LRCH1: variants seen among roughly 807,000 people sequenced by gnomAD.
LRCH1 encodes the protein leucine-rich repeat and calponin homology domain-containing protein 1.
A neutral mutation model predicts 94.9 loss-of-function variants in LRCH1; 23 were observed. The ratio of observed to expected loss-of-function variants is 0.24; its 90% confidence interval spans 0.17 to 0.34. LRCH1 has a LOEUF of 0.34. LRCH1 is among the 10% of genes least tolerant of loss of function. The pLI is 1.00. For missense variants in LRCH1, 790 were observed against 945.9 expected (o/e 0.84, Z 2.16); for synonymous variants, 364 against 354.9 (o/e 1.03, Z -0.29).
At chr13:46,750,902 C>A in exon 19 of LRCH1, 1 of 339,342 alleles carries the variant, frequency 2.9e-6, no homozygotes, top group Admixed American at 4.6e-5. Flanking sequence ...AGCAGCACAT[C>A]AATGCCTTTT....
Position 46,744,214 on chromosome 13 carries a change from T to A in LRCH1, c.*2366T>A, listed in dbSNP as rs1292583117. The A allele has an allele frequency of 1.0e-6, 1 of 985,334 alleles. No homozygotes were observed. The highest frequency in any genetic ancestry group is 1.7e-5 in the African/African-American group (1 of 57,248). The allele number at this position is 985,334 out of a possible 1,614,324, so 61.0% of individuals were successfully genotyped here. Reference sequence around the variant, plus strand: ...CTTGACTGGGGATACCTGGCTGACCTCCTTAGAGTCTGAGAAGTAGTCAGG... The same window carrying A: ...CTTGACTGGGGATACCTGGCTGACCACCTTAGAGTCTGAGAAGTAGTCAGG... On this transcript the variant is annotated 3_prime_UTR_variant, in exon 20 of 20. Transcript: ENST00000389797.
At chr13:46,663,965 A>G (rs1236573484) in intron 2 of LRCH1, among the ~76,000 whole-genome samples, 3 of 152,242 alleles carry the variant, frequency 2.0e-5, no homozygotes, top group Non-Finnish European at 1.5e-5. Flanking sequence ...CTGGATATTC[A>G]TGCTTTTCCA....
chr13:46,598,590 AC>A (rs66479334), intron 1 of LRCH1, among the ~76,000 whole-genome samples: 99,439 of 143,462 alleles, frequency 0.69, 34,549 homozygotes, highest in African/African-American at 0.8. Context: ...ACCACTAACA[AC>A]AACAAAAAAA....
At chr13:46,631,632 A>G (rs538311535) in intron 1 of LRCH1, among the ~76,000 whole-genome samples, 50 of 151,998 alleles carry the variant, frequency 3.3e-4, no homozygotes, top group African/African-American at 1.2e-3. Flanking sequence ...TTCTTAACCT[A>G]CCTGGAATTT....
chr13:46,740,979 T>C (rs1158193864), intron 19 of LRCH1, among the ~76,000 whole-genome samples: 1 of 152,210 alleles, frequency 6.6e-6, no homozygotes, highest in East Asian at 1.9e-4. Flanking sequence ...GGGTGTACTT[T>C]TACTCTCTAC....
chr13:46,596,978 A>G (rs555522380), intron 1 of LRCH1, among the ~76,000 whole-genome samples: 14 of 152,240 alleles, frequency 9.2e-5, no homozygotes, highest in African/African-American at 3.4e-4. Context: ...CTTCCTATCT[A>G]TTACTCTAAG....
intron 3 of LRCH1, among the ~76,000 whole-genome samples, chr13:46,675,704 C>G (rs144837894): frequency 6.6e-6 from 1 of 152,136 alleles, no homozygotes; most frequent in Non-Finnish European, 1.5e-5. Context: ...TTCACGTGCT[C>G]GCCATGCTGT....
intron 17 of LRCH1, among the ~76,000 whole-genome samples, chr13:46,724,945 G>A (rs1872742384): frequency 6.6e-6 from 1 of 152,078 alleles, no homozygotes; most frequent in Non-Finnish European, 1.5e-5. Flanking sequence ...CAAAGACTTG[G>A]GATCAACCCA....
chr13:46,641,882 T>G (rs1003571377), intron 1 of LRCH1, among the ~76,000 whole-genome samples: 10 of 152,256 alleles, frequency 6.6e-5, no homozygotes, highest in African/African-American at 2.4e-4. Context: ...TTTGGAAAGC[T>G]TGTCTTGGCA....
intron 1 of LRCH1, among the ~76,000 whole-genome samples, chr13:46,635,144 G>A (rs756424279): frequency 6.6e-6 from 1 of 152,132 alleles, no homozygotes. Flanking sequence ...CATCCCAGAG[G>A]CCTTACTTTC....
Position 46,604,147 on chromosome 13 carries a change from CT to C in LRCH1, c.308-46045del, listed in dbSNP as rs571322815. Among the ~76,000 whole-genome samples the C allele has an allele frequency of 5.1e-4, 77 of 151,644 alleles. 1 individual carries two copies. The highest frequency in any genetic ancestry group is 8.3e-4 in the Non-Finnish European group (56 of 67,836). ...AATGTGAATTTCATATAAATAACTA[CT>C]TTTTTTTTGCTATACATATGTCCCA... On this transcript the variant is annotated intron_variant, in intron 1 of 19. Coordinates refer to ENST00000389797, the MANE Select transcript of LRCH1 (RefSeq NM_001164211.2).
At chr13:46,598,220 T>C (rs1015442849) in intron 1 of LRCH1, among the ~76,000 whole-genome samples, 2 of 152,202 alleles carry the variant, frequency 1.3e-5, no homozygotes, top group African/African-American at 4.8e-5. Context: ...TAAATTGGCA[T>C]ACAGCGTATG....
intron 1 of LRCH1, among the ~76,000 whole-genome samples, chr13:46,591,574 T>C (rs1254593076): frequency 6.6e-6 from 1 of 152,226 alleles, no homozygotes; most frequent in African/African-American, 2.4e-5. Flanking sequence ...AACCCCCAGG[T>C]TCCTGCAGGC....
intron 1 of LRCH1, among the ~76,000 whole-genome samples, chr13:46,649,722 G>A (rs1034299516): frequency 3.3e-5 from 5 of 151,776 alleles, no homozygotes; most frequent in Admixed American, 2.0e-4. Flanking sequence ...CCAGCTACTC[G>A]AGAGGCTGAG....
chr13:46,635,216 T>C (rs1205658977), intron 1 of LRCH1, among the ~76,000 whole-genome samples: 2 of 152,208 alleles, frequency 1.3e-5, no homozygotes, highest in Non-Finnish European at 2.9e-5. Context: ...CGCCGTGCTC[T>C]TCTGCAGAGA....
At chr13:46,698,620 C>T (rs1321986997) in intron 9 of LRCH1, among the ~76,000 whole-genome samples, 1 of 152,168 alleles carries the variant, frequency 6.6e-6, no homozygotes, top group Non-Finnish European at 1.5e-5. Flanking sequence ...CACATCCCTG[C>T]TCTCACAAAC....
At position 46,692,553 on chromosome 13, in the gene LRCH1, T is replaced by C. The variant is rs1566229912; in HGVS notation, c.1032T>C (p.Thr344=). ...LSATEPSDED[T]VSLNVPMSNI... ...CTTTTTAGCCTTCTGACGAAGACAC[T>C]GTTAGCCTCAATGTGCCAATGTCAA... The change falls in exon 8 of 20, where the codon ACT becomes ACC. Residue 344 remains threonine, a synonymous_variant. Transcript: ENST00000389797. 1.9e-6 allele frequency: 3 copies of C among 1,613,944 alleles called. No homozygotes were observed. The highest frequency in any genetic ancestry group is 1.1e-5 in the South Asian group (1 of 91,084).
chr13:46,649,790 C>T lies in LRCH1; in HGVS notation c.308-411C>T, dbSNP rs916597696. Among the ~76,000 whole-genome samples the T allele has an allele frequency of 1.1e-4, 17 of 149,488 alleles. 1 individual carries two copies. Among genetic ancestry groups the T allele is most frequent in the African/African-American group, 4.0e-4 (16 of 40,376 alleles). ...ATTGCAGTGAGCTGAAATCGTGCCACTGCAGTCTGGTATAGGCAACCAAGT... is the reference window on the plus strand; with the variant it reads ...ATTGCAGTGAGCTGAAATCGTGCCATTGCAGTCTGGTATAGGCAACCAAGT... On this transcript the variant is annotated intron_variant, in intron 1 of 19. Transcript: ENST00000389797.
In LRCH1 at chr13:46,744,375, A is replaced by ATTC. The variant is rs1873815869; in HGVS notation, c.*2529_*2531dup. On this transcript the variant is annotated 3_prime_UTR_variant, in exon 20 of 20. Transcript: ENST00000389797. ...ATTTTATTTTGAAATAGCCATTTGT[A>ATTC]TTCTCTTTCTCCAGTTTCTCCAACT... is the stretch of plus-strand genomic sequence containing the variant. The ATTC allele has an allele frequency of 1.0e-6, 1 of 985,290 alleles. No individual in the cohort carries two copies. Among genetic ancestry groups the ATTC allele is most frequent in the African/African-American group, 1.7e-5 (1 of 57,224 alleles). 61.0% of individuals were successfully genotyped at this position (985,290 alleles called of 1,614,324 possible). A position where few individuals can be genotyped will look rare whatever the true frequency, so the allele number is the denominator to read the frequency against.
Sources: allele counts gnomAD v4.1 joint callset (sites outside exome capture counted in the v4.1 genomes callset), GRCh38; gene constraint gnomAD v4.1.1; transcripts MANE v1.5; gene names NCBI Gene and HGNC (gene_info 2026-07-23, HGNC 2026-07-21).